RFXAP: variants seen among roughly 807,000 people sequenced by gnomAD.
RFXAP encodes regulatory factor X associated protein, also known as regulatory factor X-associated protein.
Under a neutral mutation model 25.7 loss-of-function variants are expected in RFXAP, and 21 were observed. The ratio of observed to expected loss-of-function variants is 0.82; its 90% CI spans 0.58 to 1.18. The LOEUF is 1.18. Among genes scored for constraint, RFXAP ranks in the 50% most tolerant of loss-of-function variants. RFXAP has a pLI of 0.00. For missense variants in RFXAP, 333 were observed against 363.0 expected, an observed-to-expected ratio of 0.92 and a Z score of 0.67; for synonymous variants, 161 against 152.2, an observed-to-expected ratio of 1.06 and a Z score of -0.43.
intron 1 of RFXAP, among the ~76,000 whole-genome samples, chr13:36,822,800 T>G (rs1217723766): frequency 6.6e-6 from 1 of 152,224 alleles, no homozygotes; most frequent in East Asian, 1.9e-4. Flanking sequence ...TTGGGATACT[T>G]TATCAGTTCT....
intron 1 of RFXAP, among the ~76,000 whole-genome samples, chr13:36,820,788 A>G (rs2057959406): frequency 6.6e-6 from 1 of 152,204 alleles, no homozygotes; most frequent in Admixed American, 6.5e-5. Flanking sequence ...TGCATCATTT[A>G]CTGGCCTTGT....
rs1358312757 is a variant in RFXAP at position 36,820,024 on chromosome 13, C to G, written c.600+67C>G. ...AGAAACCCGATCTTAACGCAAACCG[C>G]ATCTGCAGGGCCTGCCTCCCCACTT... On this transcript the variant is annotated intron_variant, in intron 1 of 2. Coordinates refer to ENST00000255476, the MANE Select transcript of RFXAP (RefSeq NM_000538.4). 3.2e-6 allele frequency: 5 copies of G among 1,578,040 alleles called. No individual in the cohort carries two copies. The African/African-American group carries it at 6.7e-5, about 21-fold the overall frequency.
At chr13:36,824,639 T>C (rs1284849103) in intron 1 of RFXAP, among the ~76,000 whole-genome samples, 2 of 152,214 alleles carry the variant, frequency 1.3e-5, no homozygotes, top group Non-Finnish European at 2.9e-5. Context: ...AGTCAGAATA[T>C]TTCAGTCAAC....
intron 1 of RFXAP, among the ~76,000 whole-genome samples, chr13:36,825,204 C>T (rs937581815): frequency 2.0e-5 from 3 of 152,086 alleles, no homozygotes; most frequent in Admixed American, 6.6e-5. Flanking sequence ...ACTAAAGAAC[C>T]CAGGTTGAAA....
In RFXAP at chr13:36,819,256, C is replaced by T. The variant is rs1030863338; in HGVS notation, c.-102C>T. ...CGGGGCGCCTTCCCGGTATAGGCGC[C>T]TTTTACCCCAGCGTGTCCTGAGTCT... On this transcript the variant is annotated 5_prime_UTR_variant, in exon 1 of 3. Coordinates refer to ENST00000255476, the MANE Select transcript of RFXAP (RefSeq NM_000538.4). The T allele has an allele frequency of 4.3e-6, 5 of 1,170,552 alleles. No individual in the cohort carries two copies. The highest frequency in any genetic ancestry group is 4.4e-5 in the South Asian group (1 of 22,602). The allele number at this position is 1,170,552 out of a possible 1,614,324, so 72.5% of individuals were successfully genotyped here.
chr13:36,819,244 C>T lies in RFXAP; in HGVS notation c.-114C>T, dbSNP rs1001284335. On this transcript the variant is annotated 5_prime_UTR_variant, in exon 1 of 3. Coordinates refer to ENST00000255476, the MANE Select transcript of RFXAP (RefSeq NM_000538.4). ...CGCAGGCGCAGTCGGGGCGCCTTCCCGGTATAGGCGCCTTTTACCCCAGCG... is the reference window on the plus strand; with the variant it reads ...CGCAGGCGCAGTCGGGGCGCCTTCCTGGTATAGGCGCCTTTTACCCCAGCG... 7.3e-6 allele frequency: 8 copies of T among 1,100,250 alleles called. No homozygotes were observed. Among genetic ancestry groups the T allele is most frequent in the Non-Finnish European group, 5.7e-6 (5 of 874,212 alleles). 68.2% of individuals were successfully genotyped at this position (1,100,250 alleles called of 1,614,324 possible).
rs1295626828 is a variant in RFXAP, at chr13:36,819,332, G to A, written c.-26G>A. On this transcript the variant is annotated 5_prime_UTR_variant, in exon 1 of 3. In the 5' UTR this introduces an upstream ATG that the reference lacks. Transcript: ENST00000255476. ...AAGCAGGTGCTAAAAGCCCGGGGTCGTGGACCCCGGCCAGGTCTTAGCAGC... is the reference window on the plus strand; with the variant it reads ...AAGCAGGTGCTAAAAGCCCGGGGTCATGGACCCCGGCCAGGTCTTAGCAGC... 3.2e-6 allele frequency: 4 copies of A among 1,251,642 alleles called. No homozygotes were observed. The highest frequency in any genetic ancestry group is 6.2e-5 in the East Asian group (2 of 32,044). 77.5% of individuals were successfully genotyped at this position (1,251,642 alleles called of 1,614,324 possible). A position where few individuals can be genotyped will look rare whatever the true frequency, so the allele number is the denominator to read the frequency against.
chr13:36,822,711 A>G (rs1403013855), intron 1 of RFXAP, among the ~76,000 whole-genome samples: 1 of 152,186 alleles, frequency 6.6e-6, no homozygotes, highest in African/African-American at 2.4e-5. Flanking sequence ...AATAATTTGC[A>G]TGACTTTTTA....
At position 36,819,409 on chromosome 13, in the gene RFXAP, G is replaced by C; in HGVS notation, c.52G>C (p.Val18Leu). ...CGCGGGGCCGGGCGCCGCCAGCGGC[G>C]TGCCCCACCCCGCGGCCCTAGCCCC... Reference protein sequence around the residue: ...EGAGPGAASGVPHPAALAPAA... With the variant: ...EGAGPGAASGLPHPAALAPAA... Residue 18 changes from valine to leucine, a missense_variant, in exon 1 of 3, where the codon GTG (valine) becomes CTG (leucine). Transcript: ENST00000255476. 7.6e-7 allele frequency: 1 copy of C among 1,315,534 alleles called. No individual in the cohort carries two copies. Among genetic ancestry groups the C allele is most frequent in the Non-Finnish European group, 9.6e-7 (1 of 1,038,478 alleles). 81.5% of individuals were successfully genotyped at this position (1,315,534 alleles called of 1,614,324 possible). A position where few individuals can be genotyped will look rare whatever the true frequency, so the allele number is the denominator to read the frequency against.
rs117112761 is a variant in RFXAP at position 36,828,232 on chromosome 13, G to A, written c.*479G>A. ...CCACATACTAAAGATTGTCTCACCCGCAGTGCCAATAACACTCCTAAGAAA... is the reference window on the plus strand; with the variant it reads ...CCACATACTAAAGATTGTCTCACCCACAGTGCCAATAACACTCCTAAGAAA... On this transcript the variant is annotated 3_prime_UTR_variant, in exon 3 of 3. Coordinates refer to ENST00000255476, the MANE Select transcript of RFXAP (RefSeq NM_000538.4). 427 of 159,780 alleles carry A rather than the reference G, an allele frequency of 2.7e-3. No individual in the cohort carries two copies. Among genetic ancestry groups the A allele is most frequent in the South Asian group, 7.0e-3 (38 of 5,394 alleles). 9.9% of individuals were successfully genotyped at this position (159,780 alleles called of 1,614,324 possible). A position where few individuals can be genotyped will look rare whatever the true frequency, so the allele number is the denominator to read the frequency against.
rs2057982993 is a variant in RFXAP, at chr13:36,827,770, C to A, written c.*17C>A. The A allele has an allele frequency of 6.6e-7, 1 of 1,512,452 alleles. No individual in the cohort carries two copies. Among genetic ancestry groups the A allele is most frequent in the Non-Finnish European group, 8.9e-7 (1 of 1,119,788 alleles). 93.7% of individuals were successfully genotyped at this position (1,512,452 alleles called of 1,614,324 possible). ...TCAATGTGAGGGAACTTACCAAGAA[C>A]ATCTACATGGTTTTTTATCTTATTG... On this transcript the variant is annotated 3_prime_UTR_variant, in exon 3 of 3. Transcript: ENST00000255476.
At chr13:36,824,606 G>T (rs1305050501) in intron 1 of RFXAP, among the ~76,000 whole-genome samples, 1 of 152,098 alleles carries the variant, frequency 6.6e-6, no homozygotes, top group African/African-American at 2.4e-5. Context: ...TTTGGATGTG[G>T]TATTGTGGCA....
In RFXAP at chr13:36,819,740, G is replaced by A; in HGVS notation, c.383G>A (p.Arg128Gln). Residue 128 changes from arginine (R) to glutamine (Q), a missense_variant, in exon 1 of 3, where the codon CGG (arginine) becomes CAG (glutamine). Coordinates refer to ENST00000255476, the MANE Select transcript of RFXAP (RefSeq NM_000538.4). ...GGCGAGGGCAGCAGCGGGGGCGCCC[G>A]GAGGCGGGGCAGCGGTGGGGGCAGC... ...SGGEGSSGGARRRGSGGGSMS... is the reference protein window; with the variant it reads ...SGGEGSSGGAQRRGSGGGSMS... The A allele has an allele frequency of 6.4e-7, 1 of 1,552,776 alleles. No individual in the cohort carries two copies. Among genetic ancestry groups the A allele is most frequent in the South Asian group, 1.2e-5 (1 of 84,266 alleles).
chr13:36,823,012 A>G (rs1319713183), intron 1 of RFXAP, among the ~76,000 whole-genome samples: 2 of 152,190 alleles, frequency 1.3e-5, no homozygotes, highest in Non-Finnish European at 2.9e-5. Flanking sequence ...AAGGATGGGC[A>G]ATAGTTTACG....
chr13:36,825,604 A>AT (rs1356210342), intron 2 of RFXAP, 69 bp downstream of exon 2: 1 of 1,123,166 alleles, frequency 8.9e-7, no homozygotes, highest in Non-Finnish European at 1.3e-6. Flanking sequence ...AACAATTGAG[A>AT]TTTTTGAGAT....
In RFXAP at chr13:36,819,913, G is replaced by A. The variant is rs1156955000; in HGVS notation, c.556G>A (p.Gly186Ser). ...GAAGAGCGACCAGGCCCTGAACTGC[G>A]GTGGGACTGCCTCGACTGGCAGCGC... ...KKKSDQALNC[G>S]GTASTGSAGN... The change falls in exon 1 of 3, where the codon GGT (glycine) becomes AGT (serine). Residue 186 changes from glycine (G) to serine (S), a missense_variant. Coordinates refer to ENST00000255476, the MANE Select transcript of RFXAP (RefSeq NM_000538.4). The A allele has an allele frequency of 1.2e-6, 2 of 1,613,704 alleles. No homozygotes were observed. Among genetic ancestry groups the A allele is most frequent in the African/African-American group, 1.3e-5 (1 of 74,920 alleles).
At chr13:36,822,871 A>G (rs1436354141) in intron 1 of RFXAP, among the ~76,000 whole-genome samples, 1 of 152,236 alleles carries the variant, frequency 6.6e-6, no homozygotes, top group Non-Finnish European at 1.5e-5. Flanking sequence ...AGAAAATAAC[A>G]GTGCCAGCCA....
At chr13:36,824,073 AC>A (rs1422856384) in intron 1 of RFXAP, among the ~76,000 whole-genome samples, 4 of 152,160 alleles carry the variant, frequency 2.6e-5, no homozygotes, top group African/African-American at 9.6e-5. Context: ...AAGAATTCCA[AC>A]ATCTGTACAA....
In RFXAP at chr13:36,819,226, G is replaced by A. The variant is rs1429283331; in HGVS notation, c.-132G>A. On this transcript the variant is annotated 5_prime_UTR_variant, in exon 1 of 3. Transcript: ENST00000255476. The stretch of plus-strand genomic sequence containing the variant: ...ACGCGCAGGCTGCGGTCGCGCAGGC[G>A]CAGTCGGGGCGCCTTCCCGGTATAG... The A allele has an allele frequency of 2.1e-6, 2 of 940,054 alleles. No homozygotes were observed. The highest frequency in any genetic ancestry group is 1.4e-6 in the Non-Finnish European group (1 of 728,484). 58.2% of individuals were successfully genotyped at this position (940,054 alleles called of 1,614,324 possible).
Sources: allele counts gnomAD v4.1 joint callset (sites outside exome capture counted in the v4.1 genomes callset), GRCh38; gene constraint gnomAD v4.1.1; transcripts MANE v1.5; gene names NCBI Gene and HGNC (gene_info 2026-07-23, HGNC 2026-07-21).